The following ARHGEF28 variants were observed in gnomAD, a reference collection of about 807,000 sequenced individuals.
The protein encoded by ARHGEF28 is 190 kDa guanine nucleotide exchange factor.
A neutral mutation model predicts 206.6 loss-of-function variants in ARHGEF28; 152 were observed. The observed-to-expected ratio is 0.74, with a 90% confidence interval of 0.64 to 0.84. The LOEUF is 0.84. ARHGEF28 is among the 40% of genes least tolerant of loss of function. The pLI is 0.00. For synonymous variants in ARHGEF28, 763 were observed against 776.4 expected, an observed-to-expected ratio of 0.98 and a Z score of 0.29; for missense variants, 2,028 against 2,073.2, an observed-to-expected ratio of 0.98 and a Z score of 0.42.
chr5:73,688,993 G>A (rs1464489185), intron 2 of ARHGEF28, among the ~76,000 whole-genome samples: 1 of 152,186 alleles, frequency 6.6e-6, no homozygotes, highest in African/African-American at 2.4e-5. Context: ...GTTTTCAGTA[G>A]CATCAAGTTG....
rs773232017 is a variant in ARHGEF28, at chr5:73,780,699, A to G, written c.864A>G (p.Pro288=). Residue 288 remains proline (P), a synonymous_variant, in exon 7 of 36, where the codon CCA becomes CCG. Coordinates refer to ENST00000513042, the MANE Select transcript of ARHGEF28 (RefSeq NM_001177693.2). ...AGGCCTTTGAGCCAGAAGCCAGGCC[A>G]GAGGAAAGAACAGCTATGCCCTCCA... ...LVKAFEPEAR[P]EERTAMPSSG... The G allele has an allele frequency of 1.4e-4, 218 of 1,557,566 alleles. No homozygotes were observed. Among genetic ancestry groups the G allele is most frequent in the Admixed American group, 5.8e-4 (30 of 51,714 alleles).
intron 1 of ARHGEF28, among the ~76,000 whole-genome samples, chr5:73,629,507 CAAAA>C (rs70973265): frequency 7.2e-6 from 1 of 138,326 alleles, no homozygotes; most frequent in Non-Finnish European, 1.6e-5. Context: ...GACTCTGTCT[CAAAA>C]AAAAAAAAAA....
chr5:73,864,386 T>C (rs181576975), intron 16 of ARHGEF28, among the ~76,000 whole-genome samples: 1 of 152,182 alleles, frequency 6.6e-6, no homozygotes, highest in Non-Finnish European at 1.5e-5. Flanking sequence ...TTTTCAGCAT[T>C]GTTAAGAGTT....
intron 1 of ARHGEF28, among the ~76,000 whole-genome samples, chr5:73,682,700 C>A (rs1747186072): frequency 6.6e-6 from 1 of 152,202 alleles, no homozygotes; most frequent in African/African-American, 2.4e-5. Flanking sequence ...GTGTGAGCCA[C>A]CATGCCCAGC....
intron 1 of ARHGEF28, among the ~76,000 whole-genome samples, chr5:73,641,339 G>A (rs1744081595): frequency 6.6e-6 from 1 of 151,646 alleles, no homozygotes; most frequent in African/African-American, 2.4e-5. Flanking sequence ...TTCAAACCTG[G>A]TGACTAAAAG....
chr5:73,698,646 G>A (rs562035416), intron 2 of ARHGEF28, among the ~76,000 whole-genome samples: 2 of 151,922 alleles, frequency 1.3e-5, no homozygotes, highest in African/African-American at 2.4e-5. Flanking sequence ...TTGAGAATTC[G>A]CTACTGGGGA....
rs375134188 is a variant in ARHGEF28, at chr5:73,832,377, C to T, written c.1064C>T (p.Ser355Leu). 5.1e-5 allele frequency: 83 copies of T among 1,612,434 alleles called. No homozygotes were observed. The East Asian group carries it at 1.1e-3, about 22-fold the overall frequency. ...FDILKKSKPP[S>L]TLLAAGRLSD... Reference sequence around the variant, plus strand: ...ATCCTAAAAAAATCCAAGCCGCCCTCGACATTGCTTGCTGCAGGCCGGCTT... The same window carrying T: ...ATCCTAAAAAAATCCAAGCCGCCCTTGACATTGCTTGCTGCAGGCCGGCTT... Residue 355 changes from serine (S) to leucine (L), a missense_variant, in exon 10 of 36, where the codon TCG (serine) becomes TTG (leucine). Ser to Leu is a moderately radical substitution (Grantham distance 145). Transcript: ENST00000513042.
chr5:73,849,266 T>G, intron 13 of ARHGEF28, 179 bp downstream of exon 13: 2 of 540,120 alleles, frequency 3.7e-6, no homozygotes, highest in South Asian at 4.7e-5. Flanking sequence ...CAAATTTGAT[T>G]TTGATCAGAT....
At chr5:73,892,534 C>G (rs1671284905) in intron 27 of ARHGEF28, among the ~76,000 whole-genome samples, 1 of 152,194 alleles carries the variant, frequency 6.6e-6, no homozygotes, top group Non-Finnish European at 1.5e-5. Context: ...TCTTTAACAC[C>G]TGCTCACTAA....
At chr5:73,670,073 C>T (rs368453651) in intron 1 of ARHGEF28, among the ~76,000 whole-genome samples, 10 of 152,170 alleles carry the variant, frequency 6.6e-5, no homozygotes, top group East Asian at 3.8e-4. Context: ...CAACCACAGC[C>T]AAGATACTGA....
intron 16 of ARHGEF28, among the ~76,000 whole-genome samples, chr5:73,863,979 G>A (rs1378930598): frequency 6.6e-6 from 1 of 152,076 alleles, no homozygotes; most frequent in African/African-American, 2.4e-5. Flanking sequence ...ATGCAGTGTG[G>A]CTTTGATGGA....
chr5:73,684,090 C>T (rs1277026203), intron 1 of ARHGEF28, among the ~76,000 whole-genome samples: 5 of 151,868 alleles, frequency 3.3e-5, no homozygotes, highest in African/African-American at 1.2e-4. Context: ...GAAGGTTTAC[C>T]ATTTGAACCA....
chr5:73,677,152 G>A (rs370174343), intron 1 of ARHGEF28, among the ~76,000 whole-genome samples: 30 of 152,236 alleles, frequency 2.0e-4, no homozygotes, highest in Non-Finnish European at 3.7e-4. Context: ...GAGAATGATC[G>A]GGGAGGCAGT....
intron 4 of ARHGEF28, among the ~76,000 whole-genome samples, chr5:73,760,253 A>G (rs1025645084): frequency 6.6e-6 from 1 of 152,180 alleles, no homozygotes; most frequent in African/African-American, 2.4e-5. Context: ...TGGGTAGGAA[A>G]CCCATAAAGG....
At chr5:73,750,231 C>T (rs1481066306) in intron 3 of ARHGEF28, among the ~76,000 whole-genome samples, 1 of 152,048 alleles carries the variant, frequency 6.6e-6, no homozygotes, top group African/African-American at 2.4e-5. Context: ...TTGACTGCAC[C>T]CAACTTTTAT....
Position 73,679,884 on chromosome 5 carries a change from C to T in ARHGEF28, c.-11-4957C>T, listed in dbSNP as rs562359680. 9.2e-5 allele frequency among the ~76,000 whole-genome samples: 14 copies of T among 152,226 alleles called. No individual in the cohort carries two copies. The South Asian group carries it at 1.7e-3, about 18-fold the overall frequency. On this transcript the variant is annotated intron_variant, in intron 1 of 35. Transcript: ENST00000513042. ...GTAGTATAGATTTTTATGGTTACTT[C>T]GCATCTCATTACATAAATTGCAAAG...
intron 4 of ARHGEF28, among the ~76,000 whole-genome samples, chr5:73,762,472 AAAAC>A (rs1561386222): frequency 6.6e-6 from 1 of 151,208 alleles, no homozygotes; most frequent in South Asian, 2.1e-4. Flanking sequence ...AAAAAAAAAA[AAAAC>A]AAAACAACAA....
chr5:73,784,588 A>T (rs1354297605), intron 7 of ARHGEF28, among the ~76,000 whole-genome samples: 1 of 152,190 alleles, frequency 6.6e-6, no homozygotes, highest in Non-Finnish European at 1.5e-5. Flanking sequence ...TGATCTTGGA[A>T]GCTATTTTGA....
At chr5:73,711,318 T>G (rs1202592137) in intron 2 of ARHGEF28, among the ~76,000 whole-genome samples, 1 of 152,144 alleles carries the variant, frequency 6.6e-6, no homozygotes, top group Non-Finnish European at 1.5e-5. Context: ...CCTATTTTCC[T>G]TTTCACATAA....
Sources: gnomAD v4.1 joint callset for allele counts (sites outside exome capture counted in the v4.1 genomes callset) on GRCh38, gnomAD v4.1.1 for gene constraint, MANE v1.5 for transcripts, NCBI Gene and HGNC (gene_info 2026-07-23, HGNC 2026-07-21) for gene names.